CEP350: variants seen among roughly 807,000 people sequenced by gnomAD.
CEP350 encodes the protein centrosomal protein 350, also known as centrosome-associated protein 350.
CEP350 carries 126 observed loss-of-function variants against 331.8 expected under a neutral mutation model. The ratio of observed to expected loss-of-function variants is 0.38; its 90% confidence interval spans 0.33 to 0.44. The LOEUF is 0.44. Ranked by LOEUF, CEP350 falls within the 20% of genes least tolerant of loss-of-function variation. The pLI, the probability that CEP350 is intolerant of heterozygous loss-of-function variation, is 1.00. For synonymous variants in CEP350, 1,200 were observed against 1,259.5 expected, an observed-to-expected ratio of 0.95 and a Z score of 1.00; for missense variants, 3,406 against 3,634.6, an observed-to-expected ratio of 0.94 and a Z score of 1.62.
chr1:180,039,571 G>A (rs1426182628), intron 17 of CEP350, among the ~76,000 whole-genome samples: 1 of 152,012 alleles, frequency 6.6e-6, no homozygotes, highest in Non-Finnish European at 1.5e-5. Flanking sequence ...ATGATTAAGT[G>A]ATCAATTATG....
chr1:179,986,771 A>T (rs1316793059), intron 2 of CEP350, among the ~76,000 whole-genome samples: 1 of 152,182 alleles, frequency 6.6e-6, no homozygotes, highest in Admixed American at 6.5e-5. Context: ...ACTTATGGAA[A>T]ATACACGACC....
intron 1 of CEP350, chr1:179,969,096 G>T (rs1230415710): frequency 2.9e-5 from 20 of 688,756 alleles, no homozygotes; most frequent in Middle Eastern, 8.0e-4. Flanking sequence ...TCTCCTTTGC[G>T]CTGTGTGGAC....
chr1:179,992,494 C>T (rs1483280270), intron 5 of CEP350, among the ~76,000 whole-genome samples: 1 of 152,080 alleles, frequency 6.6e-6, no homozygotes, highest in Non-Finnish European at 1.5e-5. Context: ...GTAATAAATA[C>T]GTTTCCTAGA....
Position 180,015,829 on chromosome 1 carries a change from T to G in CEP350, c.2053-20T>G. On this transcript the variant is annotated intron_variant, in intron 10 of 37. Coordinates refer to ENST00000367607, the MANE Select transcript of CEP350 (RefSeq NM_014810.5). ...TCTTTGTGACAGAACTCATATAAATTTGATGTCCTTTTCTCCTAGGCCAAA... is the reference window on the plus strand; with the variant it reads ...TCTTTGTGACAGAACTCATATAAATGTGATGTCCTTTTCTCCTAGGCCAAA... 6.2e-7 allele frequency: 1 copy of G among 1,607,152 alleles called. No individual in the cohort carries two copies. The highest frequency in any genetic ancestry group is 8.5e-7 in the Non-Finnish European group (1 of 1,176,354).
Position 180,084,141 on chromosome 1 carries a change from TGAAAGCCCAA to T in CEP350, c.6252_6261del (p.Ala2085ProfsTer3), listed in dbSNP as rs771738003. The stretch of plus-strand genomic sequence containing the variant: ...CAGAAAAAAAGGCAAAAGGAAAGAC[TGAAAGCCCAA>T]GAAGCCAGTCTGATCAAGCAGTTAG... On this transcript the variant is annotated frameshift_variant, in exon 31 of 38. Coordinates refer to ENST00000367607, the MANE Select transcript of CEP350 (RefSeq NM_014810.5). LOFTEE classifies it high-confidence loss of function. The T allele has an allele frequency of 6.3e-7, 1 of 1,586,650 alleles. No individual in the cohort carries two copies.
intron 15 of CEP350, among the ~76,000 whole-genome samples, chr1:180,032,974 G>A (rs950807102): frequency 2.0e-5 from 3 of 151,942 alleles, no homozygotes; most frequent in African/African-American, 4.8e-5. Flanking sequence ...GTGCCTCTCA[G>A]GCCTACTTCT....
chr1:180,058,233 A>C (rs758001039), intron 25 of CEP350, among the ~76,000 whole-genome samples: 1 of 152,242 alleles, frequency 6.6e-6, no homozygotes, highest in Non-Finnish European at 1.5e-5. Flanking sequence ...ATAATACTGC[A>C]GGAAACTGAA....
At chr1:180,088,346 AAAAGT>A (rs956248143) in intron 32 of CEP350, among the ~76,000 whole-genome samples, 1 of 152,116 alleles carries the variant, frequency 6.6e-6, no homozygotes, top group African/African-American at 2.4e-5. Context: ...ATTTTGAACA[AAAAGT>A]AAAGGTTAGA....
chr1:179,978,037 A>T (rs1652005291), intron 1 of CEP350, among the ~76,000 whole-genome samples: 1 of 151,848 alleles, frequency 6.6e-6, no homozygotes, highest in South Asian at 2.1e-4. Flanking sequence ...TAATAACAAT[A>T]AAAAGTATGG....
rs146005084 is a variant in CEP350, at chr1:179,978,441, G to A, written c.-13-7728G>A. On this transcript the variant is annotated intron_variant, in intron 1 of 37. Coordinates refer to ENST00000367607, the MANE Select transcript of CEP350 (RefSeq NM_014810.5). ...ACTTGAAAATATGCAATATGTTCTCGTTAACTGTGGCCATTCTACAGTGCT... is the reference window on the plus strand; with the variant it reads ...ACTTGAAAATATGCAATATGTTCTCATTAACTGTGGCCATTCTACAGTGCT... Among the ~76,000 whole-genome samples, 1,220 of 152,042 alleles carry A rather than the reference G, an allele frequency of 8.0e-3. 10 individuals are homozygous for A. Among genetic ancestry groups the A allele is most frequent in the South Asian group, 0.023 (110 of 4,810 alleles).
rs188885462 is a variant in CEP350, at chr1:179,987,581, A to G, written c.120+295A>G. Among the ~76,000 whole-genome samples the G allele has an allele frequency of 6.0e-3, 902 of 151,146 alleles. 10 individuals carry two copies. Among genetic ancestry groups the G allele is most frequent in the African/African-American group, 0.021 (863 of 41,308 alleles). ...ATGACAACTATTAAATGGTAAAGTC[A>G]TAAACAAGATACTACTTTAGGAATT... is the stretch of plus-strand genomic sequence containing the variant. On this transcript the variant is annotated intron_variant, in intron 3 of 37. Coordinates refer to ENST00000367607, the MANE Select transcript of CEP350 (RefSeq NM_014810.5).
At chr1:179,970,670 C>T (rs951820718) in intron 1 of CEP350, among the ~76,000 whole-genome samples, 8 of 152,126 alleles carry the variant, frequency 5.3e-5, no homozygotes, top group African/African-American at 9.7e-5. Context: ...ATGCCTGGCA[C>T]TTAGTAGGAG....
intron 16 of CEP350, 45 bp downstream of exon 16, chr1:180,034,127 AT>A: frequency 1.5e-5 from 23 of 1,563,106 alleles, no homozygotes; most frequent in Non-Finnish European, 2.0e-5. Context: ...ACGATATGAA[AT>A]TTTTTTCTCT....
chr1:180,022,562 T>C, intron 12 of CEP350, 136 bp from the exon 13 acceptor site: 1 of 658,572 alleles, frequency 1.5e-6, no homozygotes, highest in Non-Finnish European at 2.6e-6. Flanking sequence ...GATATAAAGG[T>C]AAATAGAAAA....
chr1:180,086,850 A>C (rs7540856), intron 31 of CEP350, among the ~76,000 whole-genome samples: 5,855 of 152,224 alleles, frequency 0.038, 132 homozygotes, highest in Middle Eastern at 0.14. Context: ...CCATCCATCC[A>C]TTAGTTCATT....
At position 180,095,549 on chromosome 1, in the gene CEP350, G is replaced by A. The variant is rs778744558; in HGVS notation, c.8538G>A (p.Gly2846=). The change falls in exon 35 of 38, where the codon GGG becomes GGA. Residue 2846 remains glycine, a synonymous_variant. Coordinates refer to ENST00000367607, the MANE Select transcript of CEP350 (RefSeq NM_014810.5). ...RPESPVFGAS[G]QEELAKRLAE... ...AGAGCCCAGTATTTGGTGCCAGTGG[G>A]CAGGAAGAACTTGCTAAGAGACTTG... is the stretch of plus-strand genomic sequence containing the variant. 1 of 1,613,758 alleles carries A rather than the reference G, an allele frequency of 6.2e-7. No individual in the cohort carries two copies. Among genetic ancestry groups the A allele is most frequent in the Non-Finnish European group, 8.5e-7 (1 of 1,179,828 alleles).
chr1:180,010,940 A>C (rs889020662), intron 8 of CEP350, among the ~76,000 whole-genome samples: 1 of 151,454 alleles, frequency 6.6e-6, no homozygotes, highest in Non-Finnish European at 1.5e-5. Flanking sequence ...GCATTTAAAC[A>C]CTTTTATTCT....
chr1:179,955,273 G>A (rs1650082763), intron 1 of CEP350, 131 bp downstream of exon 1: 1 of 967,720 alleles, frequency 1.0e-6, no homozygotes, highest in Admixed American at 5.8e-5. Context: ...GCCCTGCTTG[G>A]CGTCCCCCTC....
chr1:179,971,391 A>G (rs1325544595), intron 1 of CEP350, among the ~76,000 whole-genome samples: 5 of 152,102 alleles, frequency 3.3e-5, no homozygotes, highest in Admixed American at 2.6e-4. Context: ...TAGTGCAATT[A>G]TAGCTCACTG....
Sources: gnomAD v4.1 joint callset for allele counts (sites outside exome capture counted in the v4.1 genomes callset) on GRCh38, gnomAD v4.1.1 for gene constraint, MANE v1.5 for transcripts, NCBI Gene and HGNC (gene_info 2026-07-23, HGNC 2026-07-21) for gene names.